The following PPL variants were observed in gnomAD, a reference collection of about 807,000 sequenced individuals.
The protein encoded by PPL is periplakin.
PPL carries 198 observed loss-of-function variants against 194.4 expected under a neutral mutation model. That is an observed-to-expected ratio of 1.02 (90% CI 0.91 to 1.15). The LOEUF (loss-of-function observed/expected upper bound fraction) is 1.15, where lower values mean the gene tolerates loss of function less well. PPL is among the 50% of genes most tolerant of loss of function. The pLI is 0.00. For synonymous variants in PPL, 1,220 were observed against 972.4 expected (o/e 1.25, Z -4.74); for missense variants, 2,885 against 2,294.8 (o/e 1.26, Z -5.25).
intron 1 of PPL, among the ~76,000 whole-genome samples, chr16:4,932,465 A>G (rs563121384): frequency 1.3e-5 from 2 of 150,384 alleles, no homozygotes; most frequent in South Asian, 2.1e-4. Context: ...GCTGGAGTGC[A>G]GTGGTGTGAT....
rs2088304818 is a variant in PPL, at chr16:4,890,793, G to A, written c.2097C>T (p.Arg699=). The A allele has an allele frequency of 6.2e-7, 1 of 1,606,906 alleles. No individual in the cohort carries two copies. The highest frequency in any genetic ancestry group is 8.5e-7 in the Non-Finnish European group (1 of 1,177,146). ...CCAGCTTGTGCACCTCGGCCTCCTG[G>A]CGCTCCAGGTCCGGACAGTGCTCCT... ...RFQEHCPDLE[R]QEAEVHKLGQ... is the part of the protein sequence containing the mutation. The change falls in exon 17 of 22, where the codon CGC becomes CGT. Residue 699 remains arginine, a synonymous_variant. Coordinates refer to ENST00000345988, the MANE Select transcript of PPL (RefSeq NM_002705.5).
rs142705821 is a variant in PPL, at chr16:4,884,275, G to A, written c.4380C>T (p.Ala1460=). Residue 1460 remains alanine, a synonymous_variant, in exon 22 of 22, where the codon GCC becomes GCT. Coordinates refer to ENST00000345988, the MANE Select transcript of PPL (RefSeq NM_002705.5). The surrounding 1 kb of genome is among the most constrained non-coding windows in gnomAD (Gnocchi z 5.7). The part of the protein sequence containing the change: ...QQDPQQAREH[A]LLRLQLEEEQ... ...CTTCTTCCAGCTGGAGTCGGAGCAGGGCATGCTCTCGCGCCTGCTGCGGGT... is the reference window on the plus strand; with the variant it reads ...CTTCTTCCAGCTGGAGTCGGAGCAGAGCATGCTCTCGCGCCTGCTGCGGGT... 1,505 of 1,612,978 alleles carry A rather than the reference G, an allele frequency of 9.3e-4. 2 individuals are homozygous for A. Among genetic ancestry groups the A allele is most frequent in the Non-Finnish European group, 1.0e-3 (1,214 of 1,179,712 alleles).
At position 4,905,156 on chromosome 16, in the gene PPL, G is replaced by A. The variant is rs774522186; in HGVS notation, c.163-1116C>T. ...GGCTGACGCTGGGGCACTCAGAGCC[G>A]GCCGCCGGTCCCTTCCCCTAGCTGG... On this transcript the variant is annotated intron_variant, in intron 2 of 21. Coordinates refer to ENST00000345988, the MANE Select transcript of PPL (RefSeq NM_002705.5). Among the ~76,000 whole-genome samples the A allele has an allele frequency of 3.3e-5, 5 of 152,104 alleles. No homozygotes were observed. The South Asian group carries it at 6.2e-4, about 19-fold the overall frequency.
intron 2 of PPL, among the ~76,000 whole-genome samples, chr16:4,907,734 G>C (rs1020590554): frequency 6.6e-6 from 1 of 152,014 alleles, no homozygotes; most frequent in African/African-American, 2.4e-5. Context: ...AAAAAAAATG[G>C]AAAATTCAAC....
At chr16:4,936,542 T>G (rs2089300896) in intron 1 of PPL, among the ~76,000 whole-genome samples, 1 of 152,154 alleles carries the variant, frequency 6.6e-6, no homozygotes, top group South Asian at 2.1e-4. Flanking sequence ...GGGCGCCCCC[T>G]GGACGGAGCT....
Position 4,883,791 on chromosome 16 carries a change from G to A in PPL, c.4864C>T (p.Leu1622Phe). 6.2e-7 allele frequency: 1 copy of A among 1,614,146 alleles called. No individual in the cohort carries two copies. The highest frequency in any genetic ancestry group is 8.5e-7 in the Non-Finnish European group (1 of 1,180,030). The change falls in exon 22 of 22, where the codon CTC becomes TTC. Residue 1622 changes from leucine (L) to phenylalanine (F), a missense_variant. Transcript: ENST00000345988. The surrounding 1 kb of genome is among the most constrained non-coding windows in gnomAD (Gnocchi z 4.8). ...TCTTTGTCCTTGGAGAGCCTCTTGAGGTCATCCAGTTCCCTCTCCAGGGAC... is the reference window on the plus strand; with the variant it reads ...TCTTTGTCCTTGGAGAGCCTCTTGAAGTCATCCAGTTCCCTCTCCAGGGAC... ...LWSLERELDD[L>F]KRLSKDKDLE...
Position 4,895,612 on chromosome 16 carries a change from C to G in PPL, c.1077G>C (p.Leu359=). ...PDFKDRYQIE[L]LLRELDDQEK... is the part of the protein sequence containing the mutation. ...CGCTCACATCCAGCTCCCGCAGCAG[C>G]AGCTCAATCTGGTACCGGTCCTTGA... Residue 359 remains leucine (L), a synonymous_variant, in exon 10 of 22, where the codon CTG becomes CTC. Transcript: ENST00000345988. The G allele has an allele frequency of 6.2e-7, 1 of 1,614,024 alleles. No homozygotes were observed. Among genetic ancestry groups the G allele is most frequent in the East Asian group, 2.2e-5 (1 of 44,890 alleles).
chr16:4,911,907 G>C (rs1401552875), intron 1 of PPL, among the ~76,000 whole-genome samples: 2 of 151,922 alleles, frequency 1.3e-5, no homozygotes. Context: ...CGTGATCATA[G>C]TTCACTATAG....
At chr16:4,920,109 C>G (rs201291487) in intron 1 of PPL, among the ~76,000 whole-genome samples, 4 of 151,464 alleles carry the variant, frequency 2.6e-5, no homozygotes, top group Non-Finnish European at 4.4e-5. Context: ...CCTGGTGAAA[C>G]TCCGTCTCTA....
intron 1 of PPL, among the ~76,000 whole-genome samples, chr16:4,922,818 C>T (rs1240568623): frequency 6.6e-6 from 1 of 152,200 alleles, no homozygotes; most frequent in African/African-American, 2.4e-5. Context: ...TGCTTTGCTT[C>T]TGCCCTGTGA....
rs767114616 is a variant in PPL, at chr16:4,894,497, G to A, written c.1364C>T (p.Thr455Ile). The stretch of plus-strand genomic sequence containing the variant: ...AGCCAGAGCCAGGGCCTCAGGGTCT[G>A]TGGGGGGGATCACAAAACACACGGC... ...APAVCFVIPP[T>I]DPEALALADS... is the part of the protein sequence containing the mutation. The change falls in exon 12 of 22, where the codon ACA (threonine) becomes ATA (isoleucine). Residue 455 changes from threonine (T) to isoleucine (I), a missense_variant. By Grantham distance (89) the Thr-to-Ile change is moderately conservative. Transcript: ENST00000345988. 1.2e-6 allele frequency: 2 copies of A among 1,613,930 alleles called. No homozygotes were observed. The highest frequency in any genetic ancestry group is 2.2e-5 in the East Asian group (1 of 44,882).
intron 1 of PPL, among the ~76,000 whole-genome samples, chr16:4,918,278 G>A (rs146136065): frequency 0.013 from 1,735 of 135,068 alleles, 37 homozygotes; most frequent in African/African-American, 0.043. Flanking sequence ...GGGCGACAGA[G>A]CAAGACTCCA....
At chr16:4,922,062 C>T (rs1023491203) in intron 1 of PPL, among the ~76,000 whole-genome samples, 3 of 152,180 alleles carry the variant, frequency 2.0e-5, no homozygotes, top group African/African-American at 4.8e-5. Flanking sequence ...TAATTTTGTG[C>T]GGGTGCCACT....
In PPL at chr16:4,934,181, C is replaced by T. The variant is rs147960553; in HGVS notation, c.62+2803G>A. Among the ~76,000 whole-genome samples the T allele has an allele frequency of 2.9e-3, 449 of 152,328 alleles. 6 individuals carry two copies. Among genetic ancestry groups the T allele is most frequent in the Middle Eastern group, 0.02 (6 of 294 alleles). On this transcript the variant is annotated intron_variant, in intron 1 of 21. Coordinates refer to ENST00000345988, the MANE Select transcript of PPL (RefSeq NM_002705.5). ...ACTCTGTCATTAGCTCAGGTGTGAA[C>T]ATCAACTCCCACACCTGTCATTAGG...
At position 4,910,836 on chromosome 16, in the gene PPL, G is replaced by A. The variant is rs753579167; in HGVS notation, c.162+14C>T. ...ACGGGGCACCCAGGTGGGAGTGGGA[G>A]TGGGGGCACTCACACTCTGCATCTT... On this transcript the variant is annotated intron_variant, in intron 2 of 21. Coordinates refer to ENST00000345988, the MANE Select transcript of PPL (RefSeq NM_002705.5). 1.2e-6 allele frequency: 2 copies of A among 1,611,094 alleles called. No homozygotes were observed. The highest frequency in any genetic ancestry group is 1.7e-6 in the Non-Finnish European group (2 of 1,177,412).
Position 4,903,883 on chromosome 16 carries a change from T to C in PPL, c.317+3A>G. The C allele has an allele frequency of 1.2e-6, 2 of 1,613,900 alleles. No homozygotes were observed. The highest frequency in any genetic ancestry group is 1.1e-5 in the South Asian group (1 of 91,090). On this transcript the variant is annotated splice_donor_region_variant and intron_variant, in intron 3 of 21. Coordinates refer to ENST00000345988, the MANE Select transcript of PPL (RefSeq NM_002705.5). ...CCTGGGGTAAGAAGCAGAAGGGACC[T>C]ACTCCTCGGCGATCATGTCCCCCTG...
At chr16:4,934,316 C>T (rs77498572) in intron 1 of PPL, among the ~76,000 whole-genome samples, 3,002 of 148,390 alleles carry the variant, frequency 0.02, 114 homozygotes, top group African/African-American at 0.071. Flanking sequence ...TGGGGTGTTC[C>T]GTTCACTAAT....
At position 4,884,285 on chromosome 16, in the gene PPL, C is replaced by G; in HGVS notation, c.4370G>C (p.Arg1457Pro). The change falls in exon 22 of 22, where the codon CGA (arginine) becomes CCA (proline). Residue 1457 changes from arginine (R) to proline (P), a missense_variant. By Grantham distance (103) the Arg-to-Pro change is moderately radical. Coordinates refer to ENST00000345988, the MANE Select transcript of PPL (RefSeq NM_002705.5). This position sits in a 1 kb window ranked among gnomAD's most constrained non-coding sequence, Gnocchi z 5.7. ...CTGGAGTCGGAGCAGGGCATGCTCTCGCGCCTGCTGCGGGTCCTGCTGCAG... is the reference window on the plus strand; with the variant it reads ...CTGGAGTCGGAGCAGGGCATGCTCTGGCGCCTGCTGCGGGTCCTGCTGCAG... ...VVLQQDPQQA[R>P]EHALLRLQLE... is the part of the protein sequence containing the mutation. 1 of 1,612,868 alleles carries G rather than the reference C, an allele frequency of 6.2e-7. No individual in the cohort carries two copies. Among genetic ancestry groups the G allele is most frequent in the Non-Finnish European group, 8.5e-7 (1 of 1,179,686 alleles).
chr16:4,900,705 TA>T, intron 6 of PPL, 124 bp downstream of exon 6: 1 of 1,339,526 alleles, frequency 7.5e-7, no homozygotes, highest in Non-Finnish European at 1.1e-6. Flanking sequence ...CCCAAAGTGC[TA>T]GGCGTGAGCC....
Sources: allele counts gnomAD v4.1 joint callset (sites outside exome capture counted in the v4.1 genomes callset), GRCh38; gene constraint gnomAD v4.1.1; non-coding constraint Gnocchi (gnomAD v3.1); transcripts MANE v1.5; gene names NCBI Gene and HGNC (gene_info 2026-07-23, HGNC 2026-07-21).